DPP10: variants seen among roughly 807,000 people sequenced by gnomAD.
DPP10 encodes the protein dipeptidyl peptidase like 10.
In DPP10, 33 loss-of-function variants were observed where a neutral mutation model predicts 120.9. The observed-to-expected ratio is 0.27, with a 90% CI of 0.21 to 0.37. The LOEUF (loss-of-function observed/expected upper bound fraction) is 0.37. DPP10 is among the 10% of genes least tolerant of loss of function. DPP10 has a pLI of 1.00. For missense variants in DPP10, 816 were observed against 942.8 expected (o/e 0.87, Z 1.76); for synonymous variants, 337 against 326.1 (o/e 1.03, Z -0.36).
At chr2:115,065,985 G>C (rs1354945064) in intron 1 of DPP10, among the ~76,000 whole-genome samples, 1 of 152,102 alleles carries the variant, frequency 6.6e-6, no homozygotes, top group Admixed American at 6.5e-5. Flanking sequence ...AGTGAACCCA[G>C]TTTCTAAATC....
chr2:115,350,497 G>GT (rs2063954150), intron 3 of DPP10, among the ~76,000 whole-genome samples: 1 of 151,976 alleles, frequency 6.6e-6, no homozygotes, highest in African/African-American at 2.4e-5. Context: ...AACCTAACAA[G>GT]TAAATGGTTA....
At chr2:115,134,920 C>T (rs72837523) in intron 1 of DPP10, among the ~76,000 whole-genome samples, 4,761 of 152,158 alleles carry the variant, frequency 0.031, 121 homozygotes, top group Non-Finnish European at 0.049. Flanking sequence ...AAGAGGCCAT[C>T]GTGCAGCCTG....
chr2:115,252,964 A>T (rs1303334677), intron 1 of DPP10, among the ~76,000 whole-genome samples: 1 of 152,220 alleles, frequency 6.6e-6, no homozygotes, highest in African/African-American at 2.4e-5. Context: ...ATCTCAGTGT[A>T]TTAGGCTATT....
intron 1 of DPP10, among the ~76,000 whole-genome samples, chr2:114,872,737 T>C (rs1690792543): frequency 6.6e-6 from 1 of 152,170 alleles, no homozygotes; most frequent in Non-Finnish European, 1.5e-5. Flanking sequence ...AAGCTAACCC[T>C]AGCCAAAATG....
At chr2:115,509,904 G>A (rs2077137055) in intron 4 of DPP10, among the ~76,000 whole-genome samples, 2 of 152,130 alleles carry the variant, frequency 1.3e-5, no homozygotes, top group South Asian at 4.1e-4. Flanking sequence ...ATTTTAGTGG[G>A]TGTGAAGTAA....
intron 1 of DPP10, among the ~76,000 whole-genome samples, chr2:115,266,549 T>C (rs1459844329): frequency 3.9e-5 from 6 of 152,180 alleles, no homozygotes; most frequent in Admixed American, 3.9e-4. Flanking sequence ...TTTCACACAT[T>C]ATAGGTTCTA....
At chr2:115,690,009 A>G (rs2149497519) in intron 7 of DPP10, 88 bp downstream of exon 7, 1 of 1,334,234 alleles carries the variant, frequency 7.5e-7, no homozygotes, top group East Asian at 2.3e-5. Context: ...ACCATAGGAA[A>G]ACTTGTCCTA....
intron 1 of DPP10, among the ~76,000 whole-genome samples, chr2:115,240,087 G>A (rs1206219328): frequency 6.6e-6 from 1 of 152,134 alleles, no homozygotes; most frequent in African/African-American, 2.4e-5. Flanking sequence ...CTTTATAGTA[G>A]GATGATTTAT....
intron 5 of DPP10, among the ~76,000 whole-genome samples, chr2:115,687,363 G>A (rs987517734): frequency 6.6e-6 from 1 of 152,020 alleles, no homozygotes; most frequent in African/African-American, 2.4e-5. Flanking sequence ...GATCTGCTGG[G>A]AACACACACA....
intron 1 of DPP10, among the ~76,000 whole-genome samples, chr2:114,994,497 G>A (rs1003207226): frequency 6.6e-6 from 1 of 152,030 alleles, no homozygotes; most frequent in African/African-American, 2.4e-5. Context: ...ATCCCCCTCT[G>A]GACCTCTCAC....
At chr2:115,655,607 T>A (rs1217787908) in intron 5 of DPP10, among the ~76,000 whole-genome samples, 1 of 151,636 alleles carries the variant, frequency 6.6e-6, no homozygotes, top group Admixed American at 6.6e-5. Context: ...GGGCGTGTTA[T>A]CAAATTATAC....
chr2:115,654,330 A>G (rs959881921), intron 5 of DPP10, among the ~76,000 whole-genome samples: 6 of 151,866 alleles, frequency 4.0e-5, no homozygotes, highest in Non-Finnish European at 8.8e-5. Context: ...GAGGAATTAA[A>G]CCTTATTAAA....
chr2:115,582,166 G>A (rs2082035991), intron 5 of DPP10, among the ~76,000 whole-genome samples: 1 of 152,122 alleles, frequency 6.6e-6, no homozygotes, highest in Admixed American at 6.5e-5. Flanking sequence ...CAAGGTTTGG[G>A]TTTCTTCTCC....
At position 115,026,874 on chromosome 2, in the gene DPP10, T is replaced by C. The variant is rs566157944; in HGVS notation, c.61-282365T>C. Among the ~76,000 whole-genome samples, 4 of 152,350 alleles carry C rather than the reference T, an allele frequency of 2.6e-5. No individual in the cohort carries two copies. The East Asian group carries it at 5.8e-4, about 22-fold the overall frequency. ...TCTGTGAAGAATATCCTTGGTATTT[T>C]GATAGAGATTACATTAAATCTGTAA... On this transcript the variant is annotated intron_variant, in intron 1 of 25. Transcript: ENST00000410059.
intron 1 of DPP10, among the ~76,000 whole-genome samples, chr2:114,640,883 G>A (rs544903783): frequency 6.6e-6 from 1 of 151,820 alleles, no homozygotes; most frequent in Non-Finnish European, 1.5e-5. Context: ...GGTTTCCCTC[G>A]GTCCCAGTAA....
At chr2:115,787,727 G>A (rs72828594) in intron 17 of DPP10, among the ~76,000 whole-genome samples, 30,385 of 152,030 alleles carry the variant, frequency 0.2, 4,175 homozygotes, top group East Asian at 0.56. Flanking sequence ...TCAACATAAC[G>A]GAAGCAGGAT....
intron 7 of DPP10, among the ~76,000 whole-genome samples, chr2:115,718,501 T>G (rs1203137814): frequency 6.6e-6 from 1 of 152,190 alleles, no homozygotes; most frequent in Admixed American, 6.5e-5. Flanking sequence ...TTCTTAGATC[T>G]CTTTTTTTCT....
chr2:114,783,428 G>T (rs1682497459), intron 1 of DPP10, among the ~76,000 whole-genome samples: 1 of 152,150 alleles, frequency 6.6e-6, no homozygotes, highest in African/African-American at 2.4e-5. Flanking sequence ...ACAGATATAA[G>T]AAGAGTGCGT....
At chr2:115,319,857 C>A (rs983216105) in intron 2 of DPP10, among the ~76,000 whole-genome samples, 5 of 152,144 alleles carry the variant, frequency 3.3e-5, no homozygotes, top group Admixed American at 1.3e-4. Flanking sequence ...TGCATTCTCA[C>A]ATGGCAGAAG....
Sources: allele counts gnomAD v4.1 joint callset (sites outside exome capture counted in the v4.1 genomes callset), GRCh38; gene constraint gnomAD v4.1.1; transcripts MANE v1.5; gene names NCBI Gene and HGNC (gene_info 2026-07-23, HGNC 2026-07-21).